AGO2: variants seen among roughly 807,000 people sequenced by gnomAD.
AGO2 encodes protein argonaute-2.
In AGO2, 5 loss-of-function variants were observed where a neutral mutation model predicts 102.3. The ratio of observed to expected loss-of-function variants is 0.05; its 90% CI spans 0.03 to 0.10. The LOEUF (loss-of-function observed/expected upper bound fraction) is 0.10, where lower values mean the gene tolerates loss of function less well. Ranked by LOEUF, AGO2 falls within the 10% of genes least tolerant of loss-of-function variation. The pLI, the probability that AGO2 is intolerant of heterozygous loss-of-function variation, is 1.00. For synonymous variants in AGO2, 449 were observed against 473.1 expected (o/e 0.95, Z 0.66); for missense variants, 541 against 1,183.7 (o/e 0.46, Z 7.97).
At chr8:140,563,392 G>A (rs1302311688) in intron 3 of AGO2, among the ~76,000 whole-genome samples, 3 of 152,050 alleles carry the variant, frequency 2.0e-5, no homozygotes, top group South Asian at 2.1e-4. Context: ...CACCAAACTC[G>A]GCTAATTTTT....
chr8:140,615,293 C>T (rs1220197605), intron 1 of AGO2, among the ~76,000 whole-genome samples: 5 of 152,204 alleles, frequency 3.3e-5, no homozygotes, highest in African/African-American at 1.2e-4. Flanking sequence ...ATAAAATAAA[C>T]AAAAATGGAG....
upstream of AGO2, among the ~76,000 whole-genome samples, chr8:140,639,679 G>A (rs780871505): frequency 6.6e-6 from 1 of 152,060 alleles, no homozygotes; most frequent in Non-Finnish European, 1.5e-5. Context: ...AGACTGAGGT[G>A]GGAGGATTGC....
chr8:140,612,091 C>T (rs1205457242), intron 1 of AGO2, among the ~76,000 whole-genome samples: 2 of 151,810 alleles, frequency 1.3e-5, no homozygotes, highest in Non-Finnish European at 2.9e-5. Context: ...GGAGCAGTGG[C>T]GGGCGCCTGT....
intron 3 of AGO2, among the ~76,000 whole-genome samples, chr8:140,564,377 A>G (rs2073248101): frequency 6.6e-6 from 1 of 152,146 alleles, no homozygotes; most frequent in South Asian, 2.1e-4. Flanking sequence ...GGTTGGGGGT[A>G]CAGGATGTGG....
At chr8:140,612,717 A>C (rs1340049297) in intron 1 of AGO2, among the ~76,000 whole-genome samples, 3 of 151,920 alleles carry the variant, frequency 2.0e-5, no homozygotes. Context: ...GCGCCACTGC[A>C]CTCCAGCCTG....
chr8:140,551,401 C>A lies in AGO2; in HGVS notation c.1305G>T (p.Trp435Cys). 6.3e-7 allele frequency: 1 copy of A among 1,592,094 alleles called. No individual in the cohort carries two copies. The change falls in exon 11 of 19, where the codon TGG becomes TGT. Residue 435 changes from tryptophan to cysteine, a missense_variant. Trp to Cys is a radical substitution (Grantham distance 215). Coordinates refer to ENST00000220592, the MANE Select transcript of AGO2 (RefSeq NM_012154.5). ...TGTGGAACTGCTTGTTCCGCATGTC[C>A]CAGACGCCCTGGACAGGGGTCGCAA... ...KAIATPVQGV[W>C]DMRNKQFHTG...
chr8:140,591,824 A>T (rs2073750901), intron 1 of AGO2: 1 of 152,168 alleles, frequency 6.6e-6, no homozygotes, highest in Non-Finnish European at 1.5e-5. Flanking sequence ...ACAATATTAG[A>T]AATACTGTAA....
intron 1 of AGO2, among the ~76,000 whole-genome samples, chr8:140,633,858 G>T (rs1467910729): frequency 6.6e-6 from 1 of 152,362 alleles, no homozygotes; most frequent in African/African-American, 2.4e-5. Context: ...ACCTCAGCAA[G>T]TGGAGTGAAT....
intron 13 of AGO2, among the ~76,000 whole-genome samples, chr8:140,545,772 G>A (rs2072888816): frequency 6.6e-6 from 1 of 152,200 alleles, no homozygotes; most frequent in Admixed American, 6.5e-5. Context: ...AAGTCTAGAT[G>A]CTCCCACTCT....
At chr8:140,626,268 C>T (rs535541030) in intron 1 of AGO2, among the ~76,000 whole-genome samples, 2 of 152,340 alleles carry the variant, frequency 1.3e-5, no homozygotes, top group East Asian at 3.9e-4. Flanking sequence ...CTGGCCCGAG[C>T]CTCTCAAGGC....
rs1314719223 is a variant in AGO2 at position 140,524,153 on chromosome 8, A to C, written c.*7891T>G. ...GCAACAGTAATGAAGAGCATTCCAAAATAAGGGTCACAGGACTGAATAGCA... is the reference window on the plus strand; with the variant it reads ...GCAACAGTAATGAAGAGCATTCCAACATAAGGGTCACAGGACTGAATAGCA... On this transcript the variant is annotated 3_prime_UTR_variant, in exon 19 of 19. Coordinates refer to ENST00000220592, the MANE Select transcript of AGO2 (RefSeq NM_012154.5). The C allele has an allele frequency of 1.3e-5, 2 of 152,296 alleles. No individual in the cohort carries two copies. Among genetic ancestry groups the C allele is most frequent in the Non-Finnish European group, 1.5e-5 (1 of 68,090 alleles). The allele number at this position is 152,296 out of a possible 1,614,324, so 9.4% of individuals were successfully genotyped here.
intron 1 of AGO2, among the ~76,000 whole-genome samples, chr8:140,607,180 C>A (rs553170239): frequency 6.6e-6 from 1 of 151,324 alleles, no homozygotes; most frequent in East Asian, 1.9e-4. Context: ...AGCCAGGAGG[C>A]GGAGGTTGCA....
intron 1 of AGO2, among the ~76,000 whole-genome samples, chr8:140,596,053 T>G (rs1248372828): frequency 1.4e-5 from 2 of 144,616 alleles, no homozygotes; most frequent in Non-Finnish European, 3.0e-5. Context: ...CCTCCTGTGT[T>G]GTCCAGACTG....
At chr8:140,591,526 C>T (rs976189173) in intron 1 of AGO2, among the ~76,000 whole-genome samples, 1 of 152,178 alleles carries the variant, frequency 6.6e-6, no homozygotes, top group African/African-American at 2.4e-5. Flanking sequence ...AGCAATACAG[C>T]GTGCACAGGA....
intron 2 of AGO2, among the ~76,000 whole-genome samples, chr8:140,577,221 A>AAAAAG (rs1177803126): frequency 2.0e-5 from 3 of 151,320 alleles, no homozygotes; most frequent in Non-Finnish European, 4.4e-5. Flanking sequence ...AAAAAAAAAA[A>AAAAAG]AAAAAAAGAA....
intron 1 of AGO2, among the ~76,000 whole-genome samples, chr8:140,622,231 G>A (rs529494630): frequency 2.6e-5 from 4 of 152,076 alleles, no homozygotes; most frequent in Non-Finnish European, 5.9e-5. Flanking sequence ...GGGGCTGGGT[G>A]GGAGCGAATG....
At position 140,635,491 on chromosome 8, in the gene AGO2, C is replaced by T. The variant is rs2074396146; in HGVS notation, c.16G>A (p.Gly6Ser). 2.0e-6 allele frequency: 2 copies of T among 980,258 alleles called. No homozygotes were observed. Among genetic ancestry groups the T allele is most frequent in the Middle Eastern group, 5.2e-4 (1 of 1,906 alleles). The allele number at this position is 980,258 out of a possible 1,614,324, so 60.7% of individuals were successfully genotyped here. The change falls in exon 1 of 19, where the codon GGC (glycine) becomes AGC (serine). Residue 6 changes from glycine to serine, a missense_variant. By Grantham distance (56) the Gly-to-Ser change is moderately conservative. Around this residue, in one of 6 missense-constraint regions of AGO2, gnomAD observed 147 missense variants for 204.1 expected, o/e 0.72. Coordinates refer to ENST00000220592, the MANE Select transcript of AGO2 (RefSeq NM_012154.5). MYSGA[G>S]PALAPPAPPP... ...CCCGAGCGCCAGGACTCACCGGGGC[C>T]GGCTCCCGAGTACATGGTGGCGCCG...
intron 16 of AGO2, among the ~76,000 whole-genome samples, chr8:140,537,095 A>G (rs577237776): frequency 2.6e-5 from 4 of 152,366 alleles, no homozygotes; most frequent in African/African-American, 9.6e-5. Context: ...TTGAAAGTTG[A>G]AAACATTCTT....
At chr8:140,537,751 G>C (rs1226463942) in intron 16 of AGO2, among the ~76,000 whole-genome samples, 1 of 151,974 alleles carries the variant, frequency 6.6e-6, no homozygotes, top group African/African-American at 2.4e-5. Context: ...ACATAATTTG[G>C]TGTTAGGTAC....
Sources: gnomAD v4.1 joint callset for allele counts (sites outside exome capture counted in the v4.1 genomes callset) on GRCh38, gnomAD v4.1.1 for gene constraint, gnomAD v4.1.1 regional missense constraint, MANE v1.5 for transcripts, NCBI Gene and HGNC (gene_info 2026-07-23, HGNC 2026-07-21) for gene names.